The following HIPK4 variants were observed in gnomAD, a reference collection of about 807,000 sequenced individuals.
HIPK4 encodes homeodomain interacting protein kinase 4.
Under a neutral mutation model 44.8 loss-of-function variants are expected in HIPK4, and 26 were observed. The ratio of observed to expected loss-of-function variants is 0.58; its 90% CI spans 0.43 to 0.80. HIPK4 has a LOEUF of 0.80. HIPK4 is among the 30% of genes least tolerant of loss of function. The pLI, the probability that HIPK4 is intolerant of heterozygous loss-of-function variation, is 0.00. For synonymous variants in HIPK4, 340 were observed against 355.5 expected (o/e 0.96, Z 0.49); for missense variants, 729 against 862.6 (o/e 0.85, Z 1.94).
chr19:40,379,583 A>C lies in HIPK4; in HGVS notation c.*4T>G. ...CCCAGTGATGGGCAGGGGTGGAATCACCATCAGTGGTGCCCGGTGACATGC... is the reference window on the plus strand; with the variant it reads ...CCCAGTGATGGGCAGGGGTGGAATCCCCATCAGTGGTGCCCGGTGACATGC... On this transcript the variant is annotated 3_prime_UTR_variant, in exon 4 of 4. Coordinates refer to ENST00000291823, the MANE Select transcript of HIPK4 (RefSeq NM_144685.5). 1 of 1,518,436 alleles carries C rather than the reference A, an allele frequency of 6.6e-7. No individual in the cohort carries two copies. The highest frequency in any genetic ancestry group is 8.8e-7 in the Non-Finnish European group (1 of 1,133,894). The allele number at this position is 1,518,436 out of a possible 1,614,324, so 94.1% of individuals were successfully genotyped here.
intron 1 of HIPK4, among the ~76,000 whole-genome samples, chr19:40,386,940 C>T (rs1237186330): frequency 2.6e-5 from 4 of 151,660 alleles, no homozygotes; most frequent in Non-Finnish European, 5.9e-5. Flanking sequence ...AGGCAACCTC[C>T]ACCTTCCACG....
chr19:40,379,295 A>G lies in HIPK4; in HGVS notation c.*292T>C. The G allele has an allele frequency of 2.5e-6, 1 of 406,556 alleles. No individual in the cohort carries two copies. Among genetic ancestry groups the G allele is most frequent in the Non-Finnish European group, 4.4e-6 (1 of 227,914 alleles). The allele number at this position is 406,556 out of a possible 1,614,324, so 25.2% of individuals were successfully genotyped here. A position where few individuals can be genotyped will look rare whatever the true frequency, so the allele number is the denominator to read the frequency against. On this transcript the variant is annotated 3_prime_UTR_variant, in exon 4 of 4. Transcript: ENST00000291823. ...CTGCTGAACAGTTCTATATTGAAAT[A>G]GACAGAGGCAGCAGGGCCAAGGGCG...
rs550924141 is a variant in HIPK4, at chr19:40,379,975, T to C, written c.1669-206A>G. Among the ~76,000 whole-genome samples the C allele has an allele frequency of 1.3e-3, 204 of 152,270 alleles. 1 individual carries two copies. Among genetic ancestry groups the C allele is most frequent in the African/African-American group, 4.7e-3 (194 of 41,554 alleles). ...AAGTGATCCTCCCACCTCAGCCTCCTGAGTAGCTGGGACTACAGGTGCATG... is the reference window on the plus strand; with the variant it reads ...AAGTGATCCTCCCACCTCAGCCTCCCGAGTAGCTGGGACTACAGGTGCATG... On this transcript the variant is annotated intron_variant, in intron 3 of 3. Transcript: ENST00000291823.
In HIPK4 at chr19:40,389,674, C is replaced by G. The variant is rs1356834381; in HGVS notation, c.229G>C (p.Glu77Gln). ...AACTTGAGGGCGTCATGGAAGAACT[C>G]AAGGAAGCGGATGACGTGGGCCTCT... Reference protein sequence around the residue: ...PEEAHVIRFLEFFHDALKFYL... With the variant: ...PEEAHVIRFLQFFHDALKFYL... The change falls in exon 1 of 4, where the codon GAG (glutamate) becomes CAG (glutamine). Residue 77 changes from glutamate to glutamine, a missense_variant. Physicochemically the swap from Glu to Gln is conservative, Grantham distance 29. Around this residue, in one of 2 missense-constraint regions of HIPK4, gnomAD observed 196 missense variants for 295.1 expected, o/e 0.66. Transcript: ENST00000291823. The surrounding 1 kb of genome is among the most constrained non-coding windows in gnomAD (Gnocchi z 4.6). 1 of 1,614,090 alleles carries G rather than the reference C, an allele frequency of 6.2e-7. No individual in the cohort carries two copies. Among genetic ancestry groups the G allele is most frequent in the Non-Finnish European group, 8.5e-7 (1 of 1,180,040 alleles).
At position 40,380,799 on chromosome 19, in the gene HIPK4, C is replaced by T. The variant is rs1402537184; in HGVS notation, c.1192G>A (p.Glu398Lys). 4 of 1,613,854 alleles carry T rather than the reference C, an allele frequency of 2.5e-6. No homozygotes were observed. The African/African-American group carries it at 5.3e-5, about 22-fold the overall frequency. The stretch of plus-strand genomic sequence containing the variant: ...CTGCCCATACCCGCAGCCTCCTTCT[C>T]CTCAGCCAGACAGTAGTAGGGGGTC... ...DGTPYYCLAE[E>K]KEAAGMGSVA... is the part of the protein sequence containing the mutation. Residue 398 changes from glutamate to lysine, a missense_variant, in exon 3 of 4, where the codon GAG (glutamate) becomes AAG (lysine). By Grantham distance (56) the Glu-to-Lys change is moderately conservative (BLOSUM62 1). Around this residue, in one of 2 missense-constraint regions of HIPK4, gnomAD observed 533 missense variants for 567.5 expected, o/e 0.94. Coordinates refer to ENST00000291823, the MANE Select transcript of HIPK4 (RefSeq NM_144685.5). This position sits in a 1 kb window ranked among gnomAD's most constrained non-coding sequence, Gnocchi z 4.2.
At chr19:40,386,392 C>T (rs548482488) in intron 1 of HIPK4, among the ~76,000 whole-genome samples, 2 of 151,894 alleles carry the variant, frequency 1.3e-5, no homozygotes, top group African/African-American at 4.8e-5. Flanking sequence ...CTTGCTCTAT[C>T]ACCCAGGCTG....
In HIPK4 at chr19:40,389,494, G is replaced by T; in HGVS notation, c.409C>A (p.Leu137Ile). Residue 137 changes from leucine (L) to isoleucine (I), a missense_variant, in exon 1 of 4, where the codon CTC (leucine) becomes ATC (isoleucine). Transcript: ENST00000291823. This position sits in a 1 kb window ranked among gnomAD's most constrained non-coding sequence, Gnocchi z 4.6. ...LKELAIIHADLKPENIMLVDQ... is the reference protein window; with the variant it reads ...LKELAIIHADIKPENIMLVDQ... ...ACCAGCATGATGTTCTCAGGCTTGA[G>T]ATCAGCGTGGATGATAGCCAGCTCC... The T allele has an allele frequency of 6.2e-7, 1 of 1,612,136 alleles. No individual in the cohort carries two copies. Among genetic ancestry groups the T allele is most frequent in the South Asian group, 1.1e-5 (1 of 90,950 alleles).
In HIPK4 at chr19:40,379,305, AGCAGGGCCAAGGGCGAGC is replaced by A; in HGVS notation, c.*264_*281del. The A allele has an allele frequency of 2.3e-6, 1 of 438,456 alleles. No individual in the cohort carries two copies. Among genetic ancestry groups the A allele is most frequent in the Non-Finnish European group, 4.0e-6 (1 of 247,882 alleles). 27.2% of individuals were successfully genotyped at this position (438,456 alleles called of 1,614,324 possible). A position where few individuals can be genotyped will look rare whatever the true frequency, so the allele number is the denominator to read the frequency against. Reference sequence around the variant, plus strand: ...GTTCTATATTGAAATAGACAGAGGCAGCAGGGCCAAGGGCGAGCGCAGGGCCAGCGGGGTGCAGCCCCC... The same window carrying A: ...GTTCTATATTGAAATAGACAGAGGCAGCAGGGCCAGCGGGGTGCAGCCCCC... On this transcript the variant is annotated 3_prime_UTR_variant, in exon 4 of 4. Transcript: ENST00000291823.
rs1035810912 is a variant in HIPK4, at chr19:40,379,323, C to T, written c.*264G>A. ...CAGAGGCAGCAGGGCCAAGGGCGAG[C>T]GCAGGGCCAGCGGGGTGCAGCCCCC... On this transcript the variant is annotated 3_prime_UTR_variant, in exon 4 of 4. Transcript: ENST00000291823. 8.3e-6 allele frequency: 4 copies of T among 482,896 alleles called. No homozygotes were observed. The highest frequency in any genetic ancestry group is 1.5e-5 in the Non-Finnish European group (4 of 275,516). The allele number at this position is 482,896 out of a possible 1,614,324, so 29.9% of individuals were successfully genotyped here.
In HIPK4 at chr19:40,389,707, C is replaced by T; in HGVS notation, c.196G>A (p.Asp66Asn). The part of the protein sequence containing the change: ...LKLLHCMRGL[D>N]PEEAHVIRFL... ...CGGATGACGTGGGCCTCTTCAGGGT[C>T]TAGGCCTCGCATGCAGTGCAGCAGC... The change falls in exon 1 of 4, where the codon GAC (aspartate) becomes AAC (asparagine). Residue 66 changes from aspartate to asparagine, a missense_variant. Transcript: ENST00000291823. This position sits in a 1 kb window ranked among gnomAD's most constrained non-coding sequence, Gnocchi z 4.6. The T allele has an allele frequency of 6.2e-7, 1 of 1,614,204 alleles. No individual in the cohort carries two copies.
chr19:40,389,397 AG>A lies in HIPK4; in HGVS notation c.465+40del. On this transcript the variant is annotated intron_variant, in intron 1 of 3. Coordinates refer to ENST00000291823, the MANE Select transcript of HIPK4 (RefSeq NM_144685.5). The surrounding 1 kb of genome is among the most constrained non-coding windows in gnomAD (Gnocchi z 4.6). Reference sequence around the variant, plus strand: ...GCTGGAAGAAGCTGGGAAAAAGACAAGGAACTAGGGACGCAGCCACCCTAGA... The same window carrying A: ...GCTGGAAGAAGCTGGGAAAAAGACAAGAACTAGGGACGCAGCCACCCTAGA... 1 of 1,155,576 alleles carries A rather than the reference AG, an allele frequency of 8.7e-7. No homozygotes were observed. The highest frequency in any genetic ancestry group is 1.2e-6 in the Non-Finnish European group (1 of 861,198). 71.6% of individuals were successfully genotyped at this position (1,155,576 alleles called of 1,614,324 possible).
rs2079381646 is a variant in HIPK4, at chr19:40,389,986, A to T, written c.-84T>A. ...CCAGGCCTCCCGCCTGGCTGCTGAC[A>T]CAGCAGGCCCCCCAGTGGGGGAAAG... On this transcript the variant is annotated 5_prime_UTR_variant, in exon 1 of 4. Coordinates refer to ENST00000291823, the MANE Select transcript of HIPK4 (RefSeq NM_144685.5). The surrounding 1 kb of genome is among the most constrained non-coding windows in gnomAD (Gnocchi z 4.6). 2.8e-6 allele frequency: 3 copies of T among 1,055,864 alleles called. No homozygotes were observed. The highest frequency in any genetic ancestry group is 4.1e-6 in the Non-Finnish European group (3 of 728,974). The allele number at this position is 1,055,864 out of a possible 1,614,324, so 65.4% of individuals were successfully genotyped here.
intron 2 of HIPK4, among the ~76,000 whole-genome samples, chr19:40,383,106 G>A (rs1484350680): frequency 1.2e-4 from 16 of 135,748 alleles, no homozygotes; most frequent in African/African-American, 3.9e-4. Flanking sequence ...TTTTTGAGAC[G>A]GAGTCTCACT....
At chr19:40,385,050 C>T (rs955559084) in intron 1 of HIPK4, among the ~76,000 whole-genome samples, 1 of 152,206 alleles carries the variant, frequency 6.6e-6, no homozygotes, top group African/African-American at 2.4e-5. Flanking sequence ...TTGCACCCCA[C>T]ACCTTGTCCA....
At chr19:40,383,762 C>T (rs766201514) in intron 2 of HIPK4, 21 bp downstream of exon 2, 4 of 1,580,658 alleles carry the variant, frequency 2.5e-6, no homozygotes, top group Non-Finnish European at 1.7e-6. Context: ...ACTGACTGCC[C>T]TCACCCAACT....
intron 3 of HIPK4, 111 bp from the exon 4 acceptor site, chr19:40,379,880 G>C (rs2079322328): frequency 8.7e-7 from 1 of 1,153,656 alleles, no homozygotes. Flanking sequence ...GGTCTTACCA[G>C]TGCTGGGCCT....
At chr19:40,384,386 C>A (rs1443822253) in intron 1 of HIPK4, among the ~76,000 whole-genome samples, 1 of 152,144 alleles carries the variant, frequency 6.6e-6, no homozygotes, top group East Asian at 1.9e-4. Flanking sequence ...ACACTGCAAC[C>A]TCCACCTCCC....
chr19:40,384,063 T>C lies in HIPK4; in HGVS notation c.542A>G (p.Tyr181Cys). The C allele has an allele frequency of 6.2e-7, 1 of 1,613,490 alleles. No individual in the cohort carries two copies. Among genetic ancestry groups the C allele is most frequent in the Non-Finnish European group, 8.5e-7 (1 of 1,179,606 alleles). Residue 181 changes from tyrosine (Y) to cysteine (C), a missense_variant, in exon 2 of 4, where the codon TAC (tyrosine) becomes TGC (cysteine). Around this residue, in one of 2 missense-constraint regions of HIPK4, gnomAD observed 196 missense variants for 295.1 expected, o/e 0.66. Transcript: ENST00000291823. Reference sequence around the variant, plus strand: ...CCCCAGCAGGATCTCAGGGGCCCGGTAGAAGCGCGACTGGATGTATGGCTC... The same window carrying C: ...CCCCAGCAGGATCTCAGGGGCCCGGCAGAAGCGCGACTGGATGTATGGCTC... ...VKEPYIQSRF[Y>C]RAPEILLGLP...
At position 40,384,026 on chromosome 19, in the gene HIPK4, G is replaced by A. The variant is rs774119442; in HGVS notation, c.579C>T (p.Cys193=). The part of the protein sequence containing the change: ...APEILLGLPF[C]EKVDVWSLGC... ...CCAGGGACCACACGTCCACCTTCTC[G>A]CAGAAGGGCAGCCCCAGCAGGATCT... is the stretch of plus-strand genomic sequence containing the variant. The change falls in exon 2 of 4, where the codon TGC becomes TGT. Residue 193 remains cysteine, a synonymous_variant. Transcript: ENST00000291823. 1.9e-5 allele frequency: 31 copies of A among 1,613,918 alleles called. No homozygotes were observed. The highest frequency in any genetic ancestry group is 6.7e-5 in the East Asian group (3 of 44,888).
Sources: allele counts gnomAD v4.1 joint callset (sites outside exome capture counted in the v4.1 genomes callset), GRCh38; gene constraint gnomAD v4.1.1; regional missense constraint gnomAD v4.1.1; non-coding constraint Gnocchi (gnomAD v3.1); transcripts MANE v1.5; gene names NCBI Gene and HGNC (gene_info 2026-07-23, HGNC 2026-07-21).